The following NDUFS1 variants were observed in gnomAD, a reference collection of about 807,000 sequenced individuals.
NDUFS1 encodes NADH:ubiquinone oxidoreductase core subunit S1.
Under a neutral mutation model 84.4 loss-of-function variants are expected in NDUFS1, and 61 were observed. The observed-to-expected ratio is 0.72, with a 90% CI of 0.59 to 0.89. The LOEUF (loss-of-function observed/expected upper bound fraction) is 0.89. Among genes scored for constraint, NDUFS1 ranks in the 40% least tolerant of loss-of-function variants. The probability of loss-of-function intolerance (pLI) is 0.00; values close to 1 mark genes in which losing one functional copy is unlikely to be tolerated. For synonymous variants in NDUFS1, 275 were observed against 290.0 expected (o/e 0.95, Z 0.53); for missense variants, 891 against 890.0 (o/e 1.00, Z -0.01).
chr2:206,130,716 T>C (rs547728414), intron 14 of NDUFS1, among the ~76,000 whole-genome samples: 3 of 152,360 alleles, frequency 2.0e-5, no homozygotes, highest in African/African-American at 7.2e-5. Context: ...AGTCTTTTAC[T>C]GTTTTGAGAA....
rs768409063 is a variant in NDUFS1 at position 206,149,825 on chromosome 2, G to A, written c.254C>T (p.Ala85Val). Residue 85 changes from alanine to valine, a missense_variant, in exon 4 of 19, where the codon GCC becomes GTC. By Grantham distance (64) the Ala-to-Val change is moderately conservative (BLOSUM62 0). Coordinates refer to ENST00000233190, the MANE Select transcript of NDUFS1 (RefSeq NM_005006.7). ...CRMCLVEIEK[A>V]PKVVAACAMP... The stretch of plus-strand genomic sequence containing the variant: ...ATTTTAGGTATCAAGTACCTTAGGG[G>A]CTTTCTCAATTTCAACAAGGCACAT... The A allele has an allele frequency of 5.6e-6, 9 of 1,611,132 alleles. No individual in the cohort carries two copies. In the African/African-American group the frequency reaches 1.1e-4, roughly 19 times the overall value.
At position 206,147,777 on chromosome 2, in the gene NDUFS1, G is replaced by T. The variant is rs757139275; in HGVS notation, c.396C>A (p.Asp132Glu). Reference sequence around the variant, plus strand: ...CCTGCAGATCACATTCACCTCCCTGGTCACAAATAGGACAGTCCAATGGGT... The same window carrying T: ...CCTGCAGATCACATTCACCTCCCTGTTCACAAATAGGACAGTCCAATGGGT... ...ANHPLDCPIC[D>E]QGGECDLQDQ... Residue 132 changes from aspartate to glutamate, a missense_variant, in exon 6 of 19, where the codon GAC (aspartate) becomes GAA (glutamate). Coordinates refer to ENST00000233190, the MANE Select transcript of NDUFS1 (RefSeq NM_005006.7). 1.2e-6 allele frequency: 2 copies of T among 1,614,046 alleles called. No homozygotes were observed. Among genetic ancestry groups the T allele is most frequent in the Admixed American group, 3.3e-5 (2 of 60,006 alleles).
At chr2:206,128,079 A>G (rs1196388814) in intron 15 of NDUFS1, 107 bp from the exon 16 acceptor site, 12 of 1,278,192 alleles carry the variant, frequency 9.4e-6, no homozygotes, top group Admixed American at 2.0e-5. Flanking sequence ...TAAAGTCACA[A>G]AAGTTTTTAA....
In NDUFS1 at chr2:206,115,908, T is replaced by C. The variant is rs1690931283; in HGVS notation, c.*8277A>G. On this transcript the variant is annotated 3_prime_UTR_variant, in exon 19 of 19. Transcript: ENST00000233190. Reference sequence around the variant, plus strand: ...GCCTAGTCTAAAAATCATAGGATGTTGTGAAAAAGACACATATTATGTTTA... The same window carrying C: ...GCCTAGTCTAAAAATCATAGGATGTCGTGAAAAAGACACATATTATGTTTA... 1 of 600,928 alleles carries C rather than the reference T, an allele frequency of 1.7e-6. No homozygotes were observed. The highest frequency in any genetic ancestry group is 1.9e-5 in the South Asian group (1 of 53,606). The allele number at this position is 600,928 out of a possible 1,614,324, so 37.2% of individuals were successfully genotyped here. A position where few individuals can be genotyped will look rare whatever the true frequency, so the allele number is the denominator to read the frequency against.
At position 206,117,300 on chromosome 2, in the gene NDUFS1, T is replaced by G. The variant is rs1690972527; in HGVS notation, c.*6885A>C. 1 of 152,252 alleles carries G rather than the reference T, an allele frequency of 6.6e-6. No homozygotes were observed. Among genetic ancestry groups the G allele is most frequent in the Non-Finnish European group, 1.5e-5 (1 of 68,042 alleles). 9.4% of individuals were successfully genotyped at this position (152,252 alleles called of 1,614,324 possible). ...ATGTACTTACCTCTATTAGAATATG[T>G]TATGTCATTACTATAATTGATGCCT... On this transcript the variant is annotated 3_prime_UTR_variant, in exon 19 of 19. Coordinates refer to ENST00000233190, the MANE Select transcript of NDUFS1 (RefSeq NM_005006.7).
chr2:206,133,225 A>G (rs934293056), intron 13 of NDUFS1, 120 bp from the exon 14 acceptor site: 79 of 781,132 alleles, frequency 1.0e-4, no homozygotes, highest in Admixed American at 5.0e-4. Context: ...AATGTCTTCA[A>G]TTTGTTAGCC....
At chr2:206,159,219 G>A in intron 1 of NDUFS1, 122 bp downstream of exon 1, 1 of 1,382,116 alleles carries the variant, frequency 7.2e-7, no homozygotes, top group South Asian at 1.2e-5. Flanking sequence ...CGGCGGGGCG[G>A]GAGGCGGCGC....
intron 11 of NDUFS1, 23 bp from the exon 12 acceptor site, chr2:206,142,092 G>C: frequency 6.4e-7 from 1 of 1,554,168 alleles, no homozygotes; most frequent in Non-Finnish European, 8.9e-7. Flanking sequence ...TATATAAAAT[G>C]CAAATTTACT....
rs865848252 is a variant in NDUFS1, at chr2:206,116,570, C to A, written c.*7615G>T. The stretch of plus-strand genomic sequence containing the variant: ...GCGCGGGGAGGCGGGGCGGTGTGGG[C>A]AGAAGTAAATTTCTTTATAAATTAC... On this transcript the variant is annotated 3_prime_UTR_variant, in exon 19 of 19. Transcript: ENST00000233190. 8.3e-6 allele frequency: 5 copies of A among 604,488 alleles called. No homozygotes were observed. The South Asian group carries it at 9.2e-5, about 11-fold the overall frequency. The allele number at this position is 604,488 out of a possible 1,614,324, so 37.4% of individuals were successfully genotyped here. A position where few individuals can be genotyped will look rare whatever the true frequency, so the allele number is the denominator to read the frequency against.
intron 14 of NDUFS1, among the ~76,000 whole-genome samples, chr2:206,131,460 G>C (rs1331704246): frequency 6.6e-6 from 1 of 152,046 alleles, no homozygotes; most frequent in Non-Finnish European, 1.5e-5. Context: ...ATTGAAACCA[G>C]GACACAAAAT....
chr2:206,127,729 A>T (rs1318833696), intron 16 of NDUFS1, 68 bp downstream of exon 16: 17 of 1,535,584 alleles, frequency 1.1e-5, no homozygotes, highest in Non-Finnish European at 1.3e-5. Context: ...TTTGAAAATC[A>T]TTCTAACAGG....
At position 206,126,703 on chromosome 2, in the gene NDUFS1, C is replaced by G; in HGVS notation, c.2019+7G>C. 1 of 1,614,114 alleles carries G rather than the reference C, an allele frequency of 6.2e-7. No homozygotes were observed. Among genetic ancestry groups the G allele is most frequent in the Non-Finnish European group, 8.5e-7 (1 of 1,180,012 alleles). On this transcript the variant is annotated splice_region_variant and intron_variant, in intron 17 of 18. Coordinates refer to ENST00000233190, the MANE Select transcript of NDUFS1 (RefSeq NM_005006.7). ...ATTATGAAAACTGCTCATAGGCGAGCTGTTACCTTTGAGAGCTCATTTGCT... is the reference window on the plus strand; with the variant it reads ...ATTATGAAAACTGCTCATAGGCGAGGTGTTACCTTTGAGAGCTCATTTGCT...
chr2:206,146,241 G>A (rs1230104393), intron 8 of NDUFS1, among the ~76,000 whole-genome samples: 2 of 152,068 alleles, frequency 1.3e-5, no homozygotes, highest in Admixed American at 6.5e-5. Flanking sequence ...TATGTTGAAA[G>A]AACCAAAGAA....
chr2:206,148,331 TA>T (rs1326376188), intron 5 of NDUFS1, among the ~76,000 whole-genome samples: 1 of 152,158 alleles, frequency 6.6e-6, no homozygotes, highest in African/African-American at 2.4e-5. Flanking sequence ...ATTGTGGTAA[TA>T]TTTTTTTTAA....
Position 206,146,901 on chromosome 2 carries a change from A to G in NDUFS1, c.737+2T>C. 6.2e-7 allele frequency: 1 copy of G among 1,613,000 alleles called. No homozygotes were observed. Among genetic ancestry groups the G allele is most frequent in the South Asian group, 1.1e-5 (1 of 91,018 alleles). The stretch of plus-strand genomic sequence containing the variant: ...AACAAATTGTCATAAAATAAAAGAT[A>G]CCTTGTTTCCCAAGGCCGGGCAGTA... On this transcript the variant is annotated splice_donor_variant, in intron 8 of 18. Transcript: ENST00000233190. LOFTEE classifies it high-confidence loss of function.
At chr2:206,144,605 C>T (rs1488103862) in intron 9 of NDUFS1, among the ~76,000 whole-genome samples, 4 of 152,272 alleles carry the variant, frequency 2.6e-5, no homozygotes, top group Admixed American at 6.5e-5. Context: ...CTGCGCCCAG[C>T]CTAGCTTCTT....
At chr2:206,155,666 C>T (rs1687621261) in intron 1 of NDUFS1, among the ~76,000 whole-genome samples, 2 of 148,722 alleles carry the variant, frequency 1.3e-5, no homozygotes, top group African/African-American at 5.0e-5. Flanking sequence ...GATCCACCTG[C>T]CTTGGCCTCC....
At chr2:206,156,472 G>A (rs1687659230) in intron 1 of NDUFS1, among the ~76,000 whole-genome samples, 1 of 151,652 alleles carries the variant, frequency 6.6e-6, no homozygotes, top group Non-Finnish European at 1.5e-5. Flanking sequence ...CTTCACAGGA[G>A]GCTGACCTGG....
At position 206,118,087 on chromosome 2, in the gene NDUFS1, T is replaced by C. The variant is rs1690999253; in HGVS notation, c.*6098A>G. ...GCTTTTAGTGAGTTATTTAAAAATA[T>C]TAAGATATCAGATGTTTTGAGTATC... On this transcript the variant is annotated 3_prime_UTR_variant, in exon 19 of 19. Transcript: ENST00000233190. The C allele has an allele frequency of 6.6e-6, 1 of 152,220 alleles. No individual in the cohort carries two copies. The highest frequency in any genetic ancestry group is 2.1e-4 in the South Asian group (1 of 4,834). The allele number at this position is 152,220 out of a possible 1,614,324, so 9.4% of individuals were successfully genotyped here.
Sources: gnomAD v4.1 joint callset for allele counts (sites outside exome capture counted in the v4.1 genomes callset) on GRCh38, gnomAD v4.1.1 for gene constraint, MANE v1.5 for transcripts, NCBI Gene and HGNC (gene_info 2026-07-23, HGNC 2026-07-21) for gene names.